FXYD7: variants seen among roughly 807,000 people sequenced by gnomAD.
FXYD7 encodes the protein FXYD domain containing ion transport regulator 7.
A neutral mutation model predicts 15.3 loss-of-function variants in FXYD7; 7 were observed. The ratio of observed to expected loss-of-function variants is 0.46; its 90% CI spans 0.26 to 0.86. The LOEUF (loss-of-function observed/expected upper bound fraction) is 0.86. Among genes scored for constraint, FXYD7 ranks in the 40% least tolerant of loss-of-function variants. FXYD7 has a pLI of 0.16. For missense variants in FXYD7, 78 were observed against 100.6 expected (o/e 0.78, Z 0.96); for synonymous variants, 39 against 39.3 (o/e 0.99, Z 0.03).
Position 35,148,742 on chromosome 19 carries a change from G to T in FXYD7, c.61+19G>T. ...TACTATGGTGAGTGTTGGATTTGGGGATAGGGCTGGACTGGGGAGTAGCTG... is the reference window on the plus strand; with the variant it reads ...TACTATGGTGAGTGTTGGATTTGGGTATAGGGCTGGACTGGGGAGTAGCTG... On this transcript the variant is annotated intron_variant, in intron 2 of 5. Coordinates refer to ENST00000270310, the MANE Select transcript of FXYD7 (RefSeq NM_022006.2). 1 of 1,607,620 alleles carries T rather than the reference G, an allele frequency of 6.2e-7. No homozygotes were observed. Among genetic ancestry groups the T allele is most frequent in the South Asian group, 1.1e-5 (1 of 90,910 alleles).
chr19:35,150,619 CAG>C (rs2065306311), intron 2 of FXYD7, among the ~76,000 whole-genome samples: 1 of 152,104 alleles, frequency 6.6e-6, no homozygotes, highest in African/African-American at 2.4e-5. Flanking sequence ...GCTGCAGGAA[CAG>C]CCAGTGCAAA....
At chr19:35,150,439 G>A (rs1162098736) in intron 2 of FXYD7, among the ~76,000 whole-genome samples, 1 of 152,190 alleles carries the variant, frequency 6.6e-6, no homozygotes, top group African/African-American at 2.4e-5. Flanking sequence ...AGAATATTAG[G>A]CAAGAATAAT....
chr19:35,149,805 A>G (rs575552302), intron 2 of FXYD7: 7 of 152,168 alleles, frequency 4.6e-5, no homozygotes, highest in Non-Finnish European at 8.8e-5. Flanking sequence ...TTAGACAAGA[A>G]TATTATTGGC....
chr19:35,152,940 TAAAAAAAAAA>T lies in FXYD7; in HGVS notation c.221-937_221-928del, dbSNP rs534802680. 2.5e-3 allele frequency among the ~76,000 whole-genome samples: 269 copies of T among 105,918 alleles called. 3 individuals carry two copies. The South Asian group carries it at 0.032, about 13-fold the overall frequency. 69.5% of individuals were successfully genotyped at this position (105,918 alleles called of 152,430 possible). Reference sequence around the variant, plus strand: ...GTGTCTCTTATAAAGTTCTTATAACTAAAAAAAAAAAAAAAAAAAAAAAAAATGCGGGAGG... The same window carrying T: ...GTGTCTCTTATAAAGTTCTTATAACTAAAAAAAAAAAAAAAATGCGGGAGG... On this transcript the variant is annotated intron_variant, in intron 5 of 5. Coordinates refer to ENST00000270310, the MANE Select transcript of FXYD7 (RefSeq NM_022006.2).
intron 5 of FXYD7, 120 bp downstream of exon 5, chr19:35,151,793 C>A (rs2065311541): frequency 1.3e-6 from 1 of 763,848 alleles, no homozygotes; most frequent in African/African-American, 1.7e-5. Flanking sequence ...GTGGTGCCTG[C>A]AGATATCACA....
At position 35,144,897 on chromosome 19, in the gene FXYD7, G is replaced by A. The variant is rs374099149; in HGVS notation, c.31+1533G>A. Among the ~76,000 whole-genome samples, 50 of 152,286 alleles carry A rather than the reference G, an allele frequency of 3.3e-4. 1 individual carries two copies. Among genetic ancestry groups the A allele is most frequent in the African/African-American group, 1.1e-3 (47 of 41,562 alleles). ...GGGGAGGAAAAGCATGTTGTGCATT[G>A]CAAGCTGCTTAAGGAAACTAATTAA... On this transcript the variant is annotated intron_variant, in intron 1 of 5. Coordinates refer to ENST00000270310, the MANE Select transcript of FXYD7 (RefSeq NM_022006.2).
rs1420701962 is a variant in FXYD7, at chr19:35,151,264, G to A, written c.72G>A (p.Thr24=). ...CATTATCTTCCCCAGACTACAACAC[G>A]GTGCAGACTGTGGGCATGACTCTGG... ...EPDPFYYDYN[T]VQTVGMTLAT... Residue 24 remains threonine, a synonymous_variant, in exon 3 of 6, where the codon ACG becomes ACA. Coordinates refer to ENST00000270310, the MANE Select transcript of FXYD7 (RefSeq NM_022006.2). The A allele has an allele frequency of 8.1e-6, 13 of 1,601,370 alleles. No individual in the cohort carries two copies. Among genetic ancestry groups the A allele is most frequent in the South Asian group, 3.3e-5 (3 of 90,828 alleles).
chr19:35,151,781 G>C (rs919744918), intron 5 of FXYD7, 108 bp downstream of exon 5: 1 of 780,808 alleles, frequency 1.3e-6, no homozygotes, highest in Non-Finnish European at 2.3e-6. Flanking sequence ...GGCGGAGGGG[G>C]GGTGGTGCCT....
chr19:35,148,075 GAAAGAAAGAA>G (rs2065296465), intron 1 of FXYD7, among the ~76,000 whole-genome samples: 3 of 122,504 alleles, frequency 2.4e-5, no homozygotes, highest in Non-Finnish European at 5.0e-5. Flanking sequence ...AAGAAAGAAA[GAAAGAAAGAA>G]AGAAAGAAAG....
Position 35,143,534 on chromosome 19 carries a change from G to T in FXYD7, c.31+170G>T, listed in dbSNP as rs1254144591. Among the ~76,000 whole-genome samples, 1 of 152,236 alleles carries T rather than the reference G, an allele frequency of 6.6e-6. No homozygotes were observed. The highest frequency in any genetic ancestry group is 1.5e-5 in the Non-Finnish European group (1 of 68,048). On this transcript the variant is annotated intron_variant, in intron 1 of 5. Coordinates refer to ENST00000270310, the MANE Select transcript of FXYD7 (RefSeq NM_022006.2). The surrounding 1 kb of genome is among the most constrained non-coding windows in gnomAD (Gnocchi z 4.3). ...ATGCGCCCCCCCGATCGCCCCTCCG[G>T]GTCTCTGGGACACCCCCTCCCCGGC...
chr19:35,144,174 G>A (rs1324248170), intron 1 of FXYD7, among the ~76,000 whole-genome samples: 1 of 152,002 alleles, frequency 6.6e-6, no homozygotes, highest in African/African-American at 2.4e-5. Context: ...AAGAGAAGAA[G>A]GGAGCCATGT....
Position 35,143,298 on chromosome 19 carries a change from G to C in FXYD7, c.-36G>C, listed in dbSNP as rs1483607876. 1 of 1,531,712 alleles carries C rather than the reference G, an allele frequency of 6.5e-7. No individual in the cohort carries two copies. The highest frequency in any genetic ancestry group is 1.4e-5 in the African/African-American group (1 of 70,936). 94.9% of individuals were successfully genotyped at this position (1,531,712 alleles called of 1,614,324 possible). A position where few individuals can be genotyped will look rare whatever the true frequency, so the allele number is the denominator to read the frequency against. ...CCAGCTGCTGCAGCGCGCCTTCGCC[G>C]CCAAAGCATCCAGCAGCCCCCTGCT... On this transcript the variant is annotated 5_prime_UTR_variant, in exon 1 of 6. Transcript: ENST00000270310. This position sits in a 1 kb window ranked among gnomAD's most constrained non-coding sequence, Gnocchi z 4.3.
At chr19:35,144,031 A>G (rs1315576531) in intron 1 of FXYD7, among the ~76,000 whole-genome samples, 1 of 151,996 alleles carries the variant, frequency 6.6e-6, no homozygotes, top group Admixed American at 6.6e-5. Flanking sequence ...GGCTGAGAGC[A>G]GTAGACAGAG....
chr19:35,151,685 A>C lies in FXYD7; in HGVS notation c.220+12A>C. 2.5e-6 allele frequency: 4 copies of C among 1,608,690 alleles called. No individual in the cohort carries two copies. The highest frequency in any genetic ancestry group is 3.4e-6 in the Non-Finnish European group (4 of 1,175,124). On this transcript the variant is annotated intron_variant, in intron 5 of 5. Coordinates refer to ENST00000270310, the MANE Select transcript of FXYD7 (RefSeq NM_022006.2). ...GCTTCCCTCTTCAGGTGAGGGTGAG[A>C]AACTGTGTGGTTCTGGGAGAGTTTT...
At position 35,148,724 on chromosome 19, in the gene FXYD7, G is replaced by GT; in HGVS notation, c.61+2dup. ...GAGGAACCTGACCCATTTTACTATG[G>GT]TGAGTGTTGGATTTGGGGATAGGGC... On this transcript the variant is annotated splice_donor_variant, in intron 2 of 5. Transcript: ENST00000270310. LOFTEE classifies it high-confidence loss of function. 6.2e-7 allele frequency: 1 copy of GT among 1,604,386 alleles called. No individual in the cohort carries two copies. The highest frequency in any genetic ancestry group is 8.5e-7 in the Non-Finnish European group (1 of 1,172,480).
intron 5 of FXYD7, among the ~76,000 whole-genome samples, chr19:35,152,542 T>C (rs1031717511): frequency 6.6e-6 from 1 of 151,960 alleles, no homozygotes; most frequent in African/African-American, 2.4e-5. Flanking sequence ...ATGAATAGAA[T>C]GCAGATTTTA....
intron 5 of FXYD7, among the ~76,000 whole-genome samples, chr19:35,152,771 G>C (rs2065316397): frequency 6.6e-6 from 1 of 151,668 alleles, no homozygotes; most frequent in South Asian, 2.1e-4. Context: ...AAGGGAGAGC[G>C]AGAGGGATGC....
At chr19:35,153,783 C>T (rs1268122585) in intron 5 of FXYD7, 111 bp from the exon 6 acceptor site, 18 of 957,140 alleles carry the variant, frequency 1.9e-5, no homozygotes, top group Non-Finnish European at 2.7e-5. Context: ...TCTGGGGTGA[C>T]AGTCCCTGGG....
chr19:35,153,107 A>G (rs918742406), intron 5 of FXYD7, among the ~76,000 whole-genome samples: 1 of 121,710 alleles, frequency 8.2e-6, no homozygotes, highest in African/African-American at 3.2e-5. Flanking sequence ...GCTGGAGTGC[A>G]GTGGCACGAT....
Sources: gnomAD v4.1 joint callset for allele counts (sites outside exome capture counted in the v4.1 genomes callset) on GRCh38, gnomAD v4.1.1 for gene constraint, Gnocchi (gnomAD v3.1) non-coding constraint, MANE v1.5 for transcripts, NCBI Gene and HGNC (gene_info 2026-07-23, HGNC 2026-07-21) for gene names.